Variants in SERGEF observed in about 807,000 individuals in gnomAD.
SERGEF encodes the protein secretion-regulating guanine nucleotide exchange factor.
A neutral mutation model predicts 50.0 loss-of-function variants in SERGEF; 51 were observed. The ratio of observed to expected loss-of-function variants is 1.02; its 90% confidence interval spans 0.81 to 1.29. The LOEUF is 1.29. Ranked by LOEUF, SERGEF falls within the 50% of genes most tolerant of loss-of-function variation. The pLI, the probability that SERGEF is intolerant of heterozygous loss-of-function variation, is 0.00. For missense variants in SERGEF, 521 were observed against 557.0 expected, an observed-to-expected ratio of 0.94 and a Z score of 0.65; for synonymous variants, 205 against 212.4, an observed-to-expected ratio of 0.97 and a Z score of 0.30.
At chr11:17,850,578 A>AGTC (rs1850693578) in intron 10 of SERGEF, among the ~76,000 whole-genome samples, 1 of 152,228 alleles carries the variant, frequency 6.6e-6, no homozygotes, top group South Asian at 2.1e-4. Context: ...CTCACTAGAC[A>AGTC]GCTCCTTCTA....
In SERGEF at chr11:18,012,976, G is replaced by C. The variant is rs1413619619; in HGVS notation, c.35C>G (p.Pro12Arg). Reference protein sequence around the residue: ...EREPSASEAAPAAAALFAWGA... With the variant: ...EREPSASEAARAAAALFAWGA... ...CCAGGCGAAGAGCGCGGCCGCCGCG[G>C]GGGCGGCCTCCGAGGCGCTGGGCTC... Residue 12 changes from proline to arginine, a missense_variant, in exon 1 of 11, where the codon CCC (proline) becomes CGC (arginine). Transcript: ENST00000265965. The C allele has an allele frequency of 6.8e-7, 1 of 1,471,756 alleles. No homozygotes were observed. The highest frequency in any genetic ancestry group is 1.5e-5 in the African/African-American group (1 of 67,378). 91.2% of individuals were successfully genotyped at this position (1,471,756 alleles called of 1,614,324 possible).
At chr11:17,998,849 C>T (rs139089764) in intron 5 of SERGEF, among the ~76,000 whole-genome samples, 4 of 149,310 alleles carry the variant, frequency 2.7e-5, no homozygotes, top group Admixed American at 6.6e-5. Context: ...AAAAAACTCA[C>T]GAGAAACCAA....
chr11:17,902,248 G>A (rs775626888), intron 9 of SERGEF, among the ~76,000 whole-genome samples: 1 of 152,078 alleles, frequency 6.6e-6, no homozygotes, highest in Admixed American at 6.6e-5. Flanking sequence ...GAGCTATAAC[G>A]TTTGGCCTGA....
At chr11:17,973,300 T>C (rs977993641) in intron 8 of SERGEF, among the ~76,000 whole-genome samples, 1 of 152,282 alleles carries the variant, frequency 6.6e-6, no homozygotes, top group Admixed American at 6.5e-5. Flanking sequence ...GAACATACAC[T>C]GGAGCCAGTG....
chr11:18,004,195 G>C (rs929170442), intron 4 of SERGEF, among the ~76,000 whole-genome samples: 2 of 152,140 alleles, frequency 1.3e-5, no homozygotes, highest in Non-Finnish European at 2.9e-5. Flanking sequence ...CTTATGAGAT[G>C]TATTACTCTT....
chr11:17,948,279 CCT>C (rs1555015457), intron 9 of SERGEF, among the ~76,000 whole-genome samples: 7 of 152,138 alleles, frequency 4.6e-5, no homozygotes, highest in Non-Finnish European at 1.0e-4. Context: ...CTTTCACATC[CCT>C]GACATCATTC....
chr11:17,999,347 G>A (rs770724049), intron 5 of SERGEF: 27 of 289,666 alleles, frequency 9.3e-5, no homozygotes, highest in Middle Eastern at 1.1e-3. Context: ...AGGGGAAACC[G>A]GGAGAGAACA....
chr11:18,004,068 C>T (rs913801553), intron 4 of SERGEF, among the ~76,000 whole-genome samples: 27 of 152,338 alleles, frequency 1.8e-4, no homozygotes, highest in African/African-American at 6.3e-4. Flanking sequence ...CTGGCTAGCA[C>T]TGGCCTATAC....
intron 9 of SERGEF, among the ~76,000 whole-genome samples, chr11:17,956,493 C>G (rs545557433): frequency 6.6e-6 from 1 of 152,170 alleles, no homozygotes; most frequent in Non-Finnish European, 1.5e-5. Context: ...ATCATGAAGA[C>G]AAAATAATAT....
At chr11:17,993,145 C>A in intron 6 of SERGEF, 152 bp from the exon 7 acceptor site, 1 of 622,174 alleles carries the variant, frequency 1.6e-6, no homozygotes. Context: ...AGATGGCTGG[C>A]ATTGTAGGGA....
intron 10 of SERGEF, among the ~76,000 whole-genome samples, chr11:17,831,079 C>T (rs1850300284): frequency 6.6e-6 from 1 of 152,098 alleles, no homozygotes; most frequent in Non-Finnish European, 1.5e-5. Context: ...AACAAGGAAA[C>T]TGAGGTCCAG....
At chr11:17,807,966 G>A (rs935868049) in intron 10 of SERGEF, among the ~76,000 whole-genome samples, 2 of 152,214 alleles carry the variant, frequency 1.3e-5, no homozygotes, top group Admixed American at 6.5e-5. Context: ...CCCAGGAAGA[G>A]AGCCCATTTC....
chr11:17,789,026 C>T (rs1422411908), intron 10 of SERGEF, among the ~76,000 whole-genome samples: 4 of 152,262 alleles, frequency 2.6e-5, no homozygotes, highest in Non-Finnish European at 5.9e-5. Context: ...TTGGTGTCCT[C>T]ACCCTGCACA....
chr11:17,901,677 T>A (rs1039147682), intron 9 of SERGEF, among the ~76,000 whole-genome samples: 1 of 152,240 alleles, frequency 6.6e-6, no homozygotes, highest in African/African-American at 2.4e-5. Context: ...GGAATCCAAC[T>A]TCTCCATGAA....
intron 10 of SERGEF, among the ~76,000 whole-genome samples, chr11:17,866,268 CA>C (rs1361424775): frequency 6.6e-6 from 1 of 152,186 alleles, no homozygotes; most frequent in Non-Finnish European, 1.5e-5. Flanking sequence ...CTGGTAGCAA[CA>C]GGACCCAGGA....
intron 9 of SERGEF, among the ~76,000 whole-genome samples, chr11:17,894,825 G>C (rs1227602449): frequency 6.6e-6 from 1 of 152,192 alleles, no homozygotes; most frequent in Non-Finnish European, 1.5e-5. Context: ...TGAATTCAGA[G>C]ACTGATGATC....
chr11:17,832,191 A>G (rs1186529033), intron 10 of SERGEF, among the ~76,000 whole-genome samples: 2 of 152,148 alleles, frequency 1.3e-5, no homozygotes, highest in African/African-American at 2.4e-5. Context: ...ACGTTGTGGG[A>G]GGGACCTGGT....
At chr11:17,925,451 G>C (rs1852233236) in intron 9 of SERGEF, among the ~76,000 whole-genome samples, 1 of 152,110 alleles carries the variant, frequency 6.6e-6, no homozygotes, top group Non-Finnish European at 1.5e-5. Flanking sequence ...GAAAAGAAGG[G>C]TGAAAAAGGG....
At chr11:17,925,537 C>T (rs1325248125) in intron 9 of SERGEF, among the ~76,000 whole-genome samples, 1 of 152,166 alleles carries the variant, frequency 6.6e-6, no homozygotes, top group African/African-American at 2.4e-5. Context: ...TCTTTCCTTG[C>T]TTTCAATCTA....
Sources: gnomAD v4.1 joint callset for allele counts (sites outside exome capture counted in the v4.1 genomes callset) on GRCh38, gnomAD v4.1.1 for gene constraint, MANE v1.5 for transcripts, NCBI Gene and HGNC (gene_info 2026-07-23, HGNC 2026-07-21) for gene names.